The following LMTK2 variants were observed in gnomAD, a reference collection of about 807,000 sequenced individuals.
LMTK2 encodes lemur tail kinase 2.
Under a neutral mutation model 127.5 loss-of-function variants are expected in LMTK2, and 37 were observed. That is an observed-to-expected ratio of 0.29 (90% CI 0.22 to 0.38). The LOEUF is 0.38. LMTK2 is among the 10% of genes least tolerant of loss of function. LMTK2 has a pLI of 1.00. For synonymous variants in LMTK2, 819 were observed against 810.1 expected (o/e 1.01, Z -0.19); for missense variants, 1,694 against 1,920.3 (o/e 0.88, Z 2.20).
chr7:98,186,783 G>A, intron 8 of LMTK2, 94 bp from the exon 9 acceptor site: 1 of 1,132,792 alleles, frequency 8.8e-7, no homozygotes, highest in Non-Finnish European at 1.3e-6. Context: ...TTTGGATTGG[G>A]TATATGTTTT....
In LMTK2 at chr7:98,107,072, G is replaced by A. The variant is rs982237614; in HGVS notation, c.-106G>A. 1.2e-6 allele frequency: 1 copy of A among 840,754 alleles called. No homozygotes were observed. Among genetic ancestry groups the A allele is most frequent in the Non-Finnish European group, 1.7e-6 (1 of 598,002 alleles). 52.1% of individuals were successfully genotyped at this position (840,754 alleles called of 1,614,324 possible). The stretch of plus-strand genomic sequence containing the variant: ...ACGTGTGCTCGGGAGCAACCGGCGC[G>A]GGTGCCACTGAGGCAGCGGAGGGAG... On this transcript the variant is annotated 5_prime_UTR_variant, in exon 1 of 14. Coordinates refer to ENST00000297293, the MANE Select transcript of LMTK2 (RefSeq NM_014916.4).
intron 1 of LMTK2, among the ~76,000 whole-genome samples, chr7:98,111,019 A>G (rs964321520): frequency 6.6e-6 from 1 of 152,218 alleles, no homozygotes; most frequent in Non-Finnish European, 1.5e-5. Context: ...TATGCAAATT[A>G]TTTTAGGATT....
chr7:98,140,912 C>G (rs1340084275), intron 2 of LMTK2, among the ~76,000 whole-genome samples: 2 of 151,470 alleles, frequency 1.3e-5, no homozygotes, highest in African/African-American at 4.9e-5. Flanking sequence ...AAAAAATTAC[C>G]TGGGCGTGGT....
At chr7:98,184,533 T>TA (rs962971189) in intron 7 of LMTK2, among the ~76,000 whole-genome samples, 2 of 151,822 alleles carry the variant, frequency 1.3e-5, no homozygotes, top group East Asian at 2.0e-4. Flanking sequence ...AGCCTCCACT[T>TA]AGAGTGTTTG....
chr7:98,128,778 A>G (rs17169329), intron 1 of LMTK2, among the ~76,000 whole-genome samples: 9,226 of 152,256 alleles, frequency 0.061, 640 homozygotes, highest in East Asian at 0.33. Context: ...GGCCTCCAGT[A>G]AGATGAGGCT....
At chr7:98,187,392 A>T (rs1797452342) in intron 9 of LMTK2, among the ~76,000 whole-genome samples, 1 of 152,062 alleles carries the variant, frequency 6.6e-6, no homozygotes, top group Admixed American at 6.5e-5. Flanking sequence ...AAAAAGATGC[A>T]CCTAAAACTT....
chr7:98,134,396 T>TA (rs1242443413), intron 1 of LMTK2, among the ~76,000 whole-genome samples: 2 of 152,212 alleles, frequency 1.3e-5, no homozygotes, highest in Non-Finnish European at 2.9e-5. Flanking sequence ...TATTCTCCCT[T>TA]ACAATCCAAA....
At chr7:98,128,992 G>A (rs1373631910) in intron 1 of LMTK2, among the ~76,000 whole-genome samples, 1 of 152,152 alleles carries the variant, frequency 6.6e-6, no homozygotes, top group Non-Finnish European at 1.5e-5. Context: ...TGTCAACAGT[G>A]GGAAAATGTC....
chr7:98,157,708 T>C (rs887282173), intron 5 of LMTK2, among the ~76,000 whole-genome samples: 1 of 151,362 alleles, frequency 6.6e-6, no homozygotes, highest in Non-Finnish European at 1.5e-5. Context: ...AGGGGGATTA[T>C]GTTGAGTGAA....
In LMTK2 at chr7:98,165,774, C is replaced by T. The variant is rs532544236; in HGVS notation, c.658-5767C>T. 6.6e-5 allele frequency among the ~76,000 whole-genome samples: 10 copies of T among 152,260 alleles called. No individual in the cohort carries two copies. In the South Asian group the frequency reaches 2.1e-3, roughly 32 times the overall value. The stretch of plus-strand genomic sequence containing the variant: ...CAGTTCAGCAATTTCTCCTCAGGCA[C>T]CGGGCACACCAAGATGGATGACGTG... On this transcript the variant is annotated intron_variant, in intron 6 of 13. Coordinates refer to ENST00000297293, the MANE Select transcript of LMTK2 (RefSeq NM_014916.4).
chr7:98,121,850 A>T (rs1238927564), intron 1 of LMTK2, among the ~76,000 whole-genome samples: 1 of 152,034 alleles, frequency 6.6e-6, no homozygotes, highest in Non-Finnish European at 1.5e-5. Flanking sequence ...AAATTTTTTA[A>T]AAAAATTAGC....
chr7:98,186,787 A>G (rs1365470617), intron 8 of LMTK2, 90 bp from the exon 9 acceptor site: 2 of 1,195,418 alleles, frequency 1.7e-6, no homozygotes, highest in East Asian at 2.4e-5. Flanking sequence ...GATTGGGTAT[A>G]TGTTTTCTGA....
chr7:98,156,625 A>AAGTTATATATTAGCATT (rs1014765033), intron 5 of LMTK2, among the ~76,000 whole-genome samples: 1 of 152,254 alleles, frequency 6.6e-6, no homozygotes, highest in Non-Finnish European at 1.5e-5. Flanking sequence ...AACATACGTT[A>AAGTTATATATTAGCATT]AGTTATATAT....
At chr7:98,198,093 G>A (rs930430596) in intron 11 of LMTK2, among the ~76,000 whole-genome samples, 4 of 150,714 alleles carry the variant, frequency 2.7e-5, no homozygotes, top group African/African-American at 7.3e-5. Flanking sequence ...TTTCTCTTTC[G>A]TTGATTTCTG....
intron 1 of LMTK2, among the ~76,000 whole-genome samples, chr7:98,122,311 C>T (rs1796375101): frequency 6.6e-6 from 1 of 151,878 alleles, no homozygotes; most frequent in Non-Finnish European, 1.5e-5. Flanking sequence ...AATTTTGTCA[C>T]CCAGGCAATC....
At chr7:98,131,032 C>T (rs1334967636) in intron 1 of LMTK2, among the ~76,000 whole-genome samples, 2 of 152,200 alleles carry the variant, frequency 1.3e-5, no homozygotes, top group Non-Finnish European at 2.9e-5. Flanking sequence ...TCCCACACAG[C>T]TTCCACCCAG....
At chr7:98,135,477 A>G (rs1796583999) in intron 1 of LMTK2, among the ~76,000 whole-genome samples, 1 of 151,588 alleles carries the variant, frequency 6.6e-6, no homozygotes, top group South Asian at 2.1e-4. Context: ...ACGCCCAGCT[A>G]ACTTTTATTT....
rs1491230165 is a variant in LMTK2 at position 98,208,118 on chromosome 7, AAC to A, written c.*2628_*2629del. 6.5e-4 allele frequency: 99 copies of A among 152,056 alleles called. No individual in the cohort carries two copies. Among genetic ancestry groups the A allele is most frequent in the African/African-American group, 2.3e-3 (96 of 41,368 alleles). 9.4% of individuals were successfully genotyped at this position (152,056 alleles called of 1,614,324 possible). ...AGCCAGACCCTGTCTCAAAAAAAAA[AAC>A]AATTTTTTTCATAACATAATTCCCA... On this transcript the variant is annotated 3_prime_UTR_variant, in exon 14 of 14. Coordinates refer to ENST00000297293, the MANE Select transcript of LMTK2 (RefSeq NM_014916.4).
chr7:98,189,599 C>T (rs1797491211), intron 9 of LMTK2, among the ~76,000 whole-genome samples: 1 of 152,214 alleles, frequency 6.6e-6, no homozygotes, highest in Non-Finnish European at 1.5e-5. Flanking sequence ...ATGAGAGTCA[C>T]GTTCGGGAAC....
Sources: gnomAD v4.1 joint callset for allele counts (sites outside exome capture counted in the v4.1 genomes callset) on GRCh38, gnomAD v4.1.1 for gene constraint, MANE v1.5 for transcripts, NCBI Gene and HGNC (gene_info 2026-07-23, HGNC 2026-07-21) for gene names.